TMEM177: variants seen among roughly 807,000 people sequenced by gnomAD.
The protein encoded by TMEM177 is transmembrane protein 177.
A neutral mutation model predicts 14.2 loss-of-function variants in TMEM177; 4 were observed. The ratio of observed to expected loss-of-function variants is 0.28; its 90% CI spans 0.14 to 0.64. The LOEUF (loss-of-function observed/expected upper bound fraction) is 0.64, where lower values mean the gene tolerates loss of function less well. TMEM177 is among the 30% of genes least tolerant of loss of function. The probability of loss-of-function intolerance (pLI) is 0.82; values close to 1 mark genes in which losing one functional copy is unlikely to be tolerated. For missense variants in TMEM177, 344 were observed against 405.2 expected, an observed-to-expected ratio of 0.85 and a Z score of 1.30; for synonymous variants, 179 against 174.5, an observed-to-expected ratio of 1.03 and a Z score of -0.20.
At chr2:119,707,866 A>T in the TMEM177 span, among the ~76,000 whole-genome samples, 1 of 152,164 alleles carries the variant, frequency 6.6e-6, no homozygotes, top group African/African-American at 2.4e-5. Context: ...GGGGAGCACT[A>T]GCAGGAGATG....
At chr2:119,687,368 G>A (rs1689032204), downstream of TMEM177, among the ~76,000 whole-genome samples, 1 of 152,146 alleles carries the variant, frequency 6.6e-6, no homozygotes, top group East Asian at 1.9e-4. Flanking sequence ...ATGCTGCTAT[G>A]AAGAAATACC....
chr2:119,685,532 G>A, downstream of TMEM177: 1 of 637,374 alleles, frequency 1.6e-6, no homozygotes, highest in Non-Finnish European at 2.8e-6. Flanking sequence ...TCCCCACCAT[G>A]TCCCTATAGT....
At chr2:119,702,497 T>G in the TMEM177 span, among the ~76,000 whole-genome samples, 1 of 151,986 alleles carries the variant, frequency 6.6e-6, no homozygotes, top group Non-Finnish European at 1.5e-5. Flanking sequence ...TACATAAGAG[T>G]TCCTTTGTTC....
chr2:119,697,931 T>A, the TMEM177 span, among the ~76,000 whole-genome samples: 1 of 152,128 alleles, frequency 6.6e-6, no homozygotes, highest in South Asian at 2.1e-4. Flanking sequence ...ACCCTCTTCA[T>A]AGGGGAGAGG....
chr2:119,680,666 A>AGAGACGG (rs1439787836), intron 1 of TMEM177, among the ~76,000 whole-genome samples, 166 bp from the exon 2 acceptor site: 1 of 152,224 alleles, frequency 6.6e-6, no homozygotes. Context: ...ATTGACGCAC[A>AGAGACGG]GAGACGGAGC....
chr2:119,718,781 C>G, the TMEM177 span, among the ~76,000 whole-genome samples: 1 of 152,088 alleles, frequency 6.6e-6, no homozygotes, highest in Admixed American at 6.6e-5. Context: ...GTAGCTACTT[C>G]ATAAACCCTG....
At chr2:119,689,624 C>T (rs894824448), downstream of TMEM177, among the ~76,000 whole-genome samples, 10 of 152,198 alleles carry the variant, frequency 6.6e-5, no homozygotes, top group Non-Finnish European at 2.9e-5. Context: ...GGCTTCTCAC[C>T]AGCCAGTGCT....
chr2:119,707,705 A>G, the TMEM177 span, among the ~76,000 whole-genome samples: 1 of 152,150 alleles, frequency 6.6e-6, no homozygotes, highest in Non-Finnish European at 1.5e-5. Flanking sequence ...AGATGAGACA[A>G]ACAAACAAAA....
chr2:119,713,806 C>T, the TMEM177 span, among the ~76,000 whole-genome samples: 1 of 152,164 alleles, frequency 6.6e-6, no homozygotes, highest in Non-Finnish European at 1.5e-5. Context: ...TGCACTCCAG[C>T]CTGGGTGACA....
chr2:119,686,852 G>A (rs1475767061), downstream of TMEM177, among the ~76,000 whole-genome samples: 1 of 152,156 alleles, frequency 6.6e-6, no homozygotes, highest in Admixed American at 6.5e-5. Flanking sequence ...ACAGGCGTGA[G>A]TCACTTCACC....
In TMEM177 at chr2:119,681,734, G is replaced by C. The variant is rs201955534; in HGVS notation, c.881G>C (p.Arg294Pro). ...ATCAAACATTTACCCTACACCACCC[G>C]CCGGGACTCTGTGCTGCAGATGTGG... The part of the protein sequence containing the change: ...FRIKHLPYTT[R>P]RDSVLQMWRG... The change falls in exon 2 of 2, where the codon CGC becomes CCC. Residue 294 changes from arginine to proline, a missense_variant. By Grantham distance (103) the Arg-to-Pro change is moderately radical. Transcript: ENST00000272521. 1.2e-5 allele frequency: 19 copies of C among 1,613,998 alleles called. No homozygotes were observed. Among genetic ancestry groups the C allele is most frequent in the Non-Finnish European group, 1.6e-5 (19 of 1,180,038 alleles).
the TMEM177 span, among the ~76,000 whole-genome samples, chr2:119,719,690 G>A: frequency 9.9e-5 from 15 of 152,228 alleles, no homozygotes; most frequent in Non-Finnish European, 2.2e-4. Flanking sequence ...AACATCTGAG[G>A]ATGGGAAGGT....
chr2:119,693,438 A>G, the TMEM177 span, among the ~76,000 whole-genome samples: 1 of 152,202 alleles, frequency 6.6e-6, no homozygotes, highest in East Asian at 1.9e-4. Context: ...CGAGAGGAAG[A>G]TGCGGAGTGA....
At chr2:119,693,534 A>G in the TMEM177 span, among the ~76,000 whole-genome samples, 2 of 152,118 alleles carry the variant, frequency 1.3e-5, no homozygotes, top group Admixed American at 1.3e-4. Context: ...AGCCACTCAG[A>G]CCGTCCACAG....
the TMEM177 span, among the ~76,000 whole-genome samples, chr2:119,709,134 T>C: frequency 6.6e-6 from 1 of 152,228 alleles, no homozygotes; most frequent in Non-Finnish European, 1.5e-5. Context: ...TTGGGTGGAT[T>C]TTCCACTGTA....
the TMEM177 span, among the ~76,000 whole-genome samples, chr2:119,704,390 G>A: frequency 6.6e-6 from 1 of 152,166 alleles, no homozygotes; most frequent in Non-Finnish European, 1.5e-5. Flanking sequence ...ACGAGGTCAG[G>A]AGATTGAGAC....
the TMEM177 span, among the ~76,000 whole-genome samples, chr2:119,712,538 G>T: frequency 6.6e-6 from 1 of 152,110 alleles, no homozygotes; most frequent in Non-Finnish European, 1.5e-5. Context: ...CAGAGAAAAG[G>T]CCACATGAAG....
In TMEM177 at chr2:119,681,594, G is replaced by A. The variant is rs1688905140; in HGVS notation, c.741G>A (p.Val247=). Residue 247 remains valine, a synonymous_variant, in exon 2 of 2, where the codon GTG becomes GTA. Transcript: ENST00000272521. ...SLSAAYACGG[V]EFYEKLLSGN... ...CTGCAGCCTATGCCTGTGGTGGAGTGGAGTTCTATGAGAAGCTTCTGTCGG... is the reference window on the plus strand; with the variant it reads ...CTGCAGCCTATGCCTGTGGTGGAGTAGAGTTCTATGAGAAGCTTCTGTCGG... The A allele has an allele frequency of 2.5e-6, 4 of 1,614,254 alleles. No individual in the cohort carries two copies. The highest frequency in any genetic ancestry group is 3.4e-6 in the Non-Finnish European group (4 of 1,180,042).
chr2:119,688,707 G>C (rs1395738690), downstream of TMEM177, among the ~76,000 whole-genome samples: 1 of 152,192 alleles, frequency 6.6e-6, no homozygotes, highest in Non-Finnish European at 1.5e-5. Context: ...AGGTACCCTG[G>C]ACCTCCACCC....
Sources: gnomAD v4.1 joint callset for allele counts (sites outside exome capture counted in the v4.1 genomes callset) on GRCh38, gnomAD v4.1.1 for gene constraint, MANE v1.5 for transcripts, NCBI Gene and HGNC (gene_info 2026-07-23, HGNC 2026-07-21) for gene names.